Variants in POU6F2 observed in about 807,000 individuals in gnomAD.
POU6F2 encodes the protein POU domain, class 6, transcription factor 2.
Under a neutral mutation model 71.3 loss-of-function variants are expected in POU6F2, and 31 were observed. The ratio of observed to expected loss-of-function variants is 0.43; its 90% CI spans 0.33 to 0.59. The LOEUF (loss-of-function observed/expected upper bound fraction) is 0.59. Among genes scored for constraint, POU6F2 ranks in the 20% least tolerant of loss-of-function variants. The pLI is 0.04. For synonymous variants in POU6F2, 347 were observed against 355.7 expected, an observed-to-expected ratio of 0.98 and a Z score of 0.27; for missense variants, 783 against 856.8, an observed-to-expected ratio of 0.91 and a Z score of 1.07.
intron 6 of POU6F2, among the ~76,000 whole-genome samples, chr7:39,415,313 G>T (rs1484348313): frequency 6.6e-6 from 1 of 152,160 alleles, no homozygotes; most frequent in African/African-American, 2.4e-5. Context: ...GTGAGCCACC[G>T]CTCCTGCCCC....
intron 4 of POU6F2, among the ~76,000 whole-genome samples, chr7:39,218,575 T>C (rs139608535): frequency 1.3e-3 from 192 of 152,230 alleles, no homozygotes; most frequent in African/African-American, 4.5e-3. Context: ...CAAAGATTGG[T>C]TGATCGATTT....
At chr7:39,180,750 C>T (rs1422217129) in intron 2 of POU6F2, among the ~76,000 whole-genome samples, 3 of 152,134 alleles carry the variant, frequency 2.0e-5, no homozygotes, top group African/African-American at 7.2e-5. Context: ...ACAAGGGACC[C>T]AGCACATTTG....
At position 39,063,781 on chromosome 7, in the gene POU6F2, ATAT is replaced by A. The variant is rs1430669115; in HGVS notation, c.106-22074_106-22072del. Among the ~76,000 whole-genome samples, 9 of 151,306 alleles carry A rather than the reference ATAT, an allele frequency of 5.9e-5. No homozygotes were observed. In the Admixed American group the frequency reaches 6.0e-4, roughly 10 times the overall value. ...TATAAACATGAAGCAAGGAAAAAAA[ATAT>A]TATTTGTAAAAGAACAAGCAGCAGA... is the stretch of plus-strand genomic sequence containing the variant. On this transcript the variant is annotated intron_variant, in intron 1 of 9. Coordinates refer to ENST00000518318, the MANE Select transcript of POU6F2 (RefSeq NM_001370959.1).
At chr7:39,419,114 TATATATGTGTATATATACAC>T (rs1787781998) in intron 6 of POU6F2, among the ~76,000 whole-genome samples, 1 of 55,476 alleles carries the variant, frequency 1.8e-5, no homozygotes, top group Non-Finnish European at 3.8e-5. Context: ...CATATATACG[TATATATGTGTATATATACAC>T]ATATATATAC....
intron 4 of POU6F2, among the ~76,000 whole-genome samples, chr7:39,223,127 G>T (rs1044232373): frequency 6.6e-6 from 1 of 152,114 alleles, no homozygotes; most frequent in African/African-American, 2.4e-5. Context: ...CTATCCTGTT[G>T]GGTGTGAAGT....
chr7:39,214,513 C>CT (rs1197693027), intron 4 of POU6F2, among the ~76,000 whole-genome samples: 4 of 152,182 alleles, frequency 2.6e-5, no homozygotes, highest in Non-Finnish European at 5.9e-5. Context: ...CATTGTGATG[C>CT]TTGGGCCTGC....
At chr7:39,129,928 G>T (rs777980036) in intron 2 of POU6F2, among the ~76,000 whole-genome samples, 16 of 151,872 alleles carry the variant, frequency 1.1e-4, no homozygotes, top group East Asian at 1.9e-4. Context: ...TTAGCCGGGC[G>T]TGGTGGCAGG....
intron 4 of POU6F2, among the ~76,000 whole-genome samples, chr7:39,254,751 C>T (rs1783987638): frequency 6.6e-6 from 1 of 152,142 alleles, no homozygotes. Context: ...TCTCTCGGTA[C>T]CTAATTTCAA....
intron 1 of POU6F2, among the ~76,000 whole-genome samples, chr7:39,012,586 G>A (rs1305282314): frequency 1.3e-5 from 2 of 151,976 alleles, no homozygotes; most frequent in Non-Finnish European, 2.9e-5. Flanking sequence ...TTCCTTTAGA[G>A]GAGGAGAGGC....
At chr7:39,227,680 G>A (rs776308510) in intron 4 of POU6F2, among the ~76,000 whole-genome samples, 5 of 147,880 alleles carry the variant, frequency 3.4e-5, no homozygotes, top group South Asian at 2.2e-4. Context: ...TCAGCCTCCC[G>A]AGTAGCTGGG....
At chr7:39,082,684 C>G (rs928475194) in intron 1 of POU6F2, among the ~76,000 whole-genome samples, 4 of 152,068 alleles carry the variant, frequency 2.6e-5, no homozygotes, top group African/African-American at 9.6e-5. Flanking sequence ...TCTGTACTCA[C>G]TGGTTACTGC....
At chr7:39,098,344 C>T (rs1462518153) in intron 2 of POU6F2, among the ~76,000 whole-genome samples, 1 of 152,004 alleles carries the variant, frequency 6.6e-6, no homozygotes, top group African/African-American at 2.4e-5. Context: ...GTGGTATGAT[C>T]ATGGCTGCAG....
intron 2 of POU6F2, among the ~76,000 whole-genome samples, chr7:39,087,143 T>A (rs1160352160): frequency 3.4e-5 from 3 of 89,356 alleles, no homozygotes; most frequent in Admixed American, 1.3e-4. Context: ...ACACAGGCTT[T>A]ATTAATTAAT....
At chr7:39,241,475 C>T (rs1357695656) in intron 4 of POU6F2, among the ~76,000 whole-genome samples, 2 of 152,098 alleles carry the variant, frequency 1.3e-5, no homozygotes, top group Non-Finnish European at 2.9e-5. Context: ...GAAGGTGTCA[C>T]TCGGATAGTG....
At chr7:39,184,672 C>T (rs1793496600) in intron 2 of POU6F2, among the ~76,000 whole-genome samples, 1 of 152,188 alleles carries the variant, frequency 6.6e-6, no homozygotes, top group Non-Finnish European at 1.5e-5. Context: ...GGGTGGGGCA[C>T]TCATGCTCAA....
chr7:39,310,056 G>A (rs995869002), intron 4 of POU6F2, among the ~76,000 whole-genome samples: 7 of 152,092 alleles, frequency 4.6e-5, no homozygotes, highest in East Asian at 1.9e-4. Context: ...AAAGCCTGCC[G>A]TAACCCCGCA....
intron 4 of POU6F2, among the ~76,000 whole-genome samples, chr7:39,324,672 G>A (rs1250035940): frequency 6.6e-6 from 1 of 152,104 alleles, no homozygotes; most frequent in African/African-American, 2.4e-5. Context: ...CTTCTCATAA[G>A]CAAGACCAAC....
intron 7 of POU6F2, among the ~76,000 whole-genome samples, chr7:39,436,207 T>A (rs1220317110): frequency 6.6e-6 from 1 of 152,174 alleles, no homozygotes; most frequent in Non-Finnish European, 1.5e-5. Flanking sequence ...TATAAATTAC[T>A]CTGGGCAGTA....
At chr7:39,287,040 CT>C (rs1784663597) in intron 4 of POU6F2, among the ~76,000 whole-genome samples, 1 of 151,714 alleles carries the variant, frequency 6.6e-6, no homozygotes, top group African/African-American at 2.4e-5. Context: ...TCCCCAGGGA[CT>C]TTTCAGAGCT....
Sources: gnomAD v4.1 joint callset for allele counts (sites outside exome capture counted in the v4.1 genomes callset) on GRCh38, gnomAD v4.1.1 for gene constraint, MANE v1.5 for transcripts, NCBI Gene and HGNC (gene_info 2026-07-23, HGNC 2026-07-21) for gene names.